SCN1A: variants seen among roughly 807,000 people sequenced by gnomAD.
SCN1A encodes the protein sodium channel protein type 1 subunit alpha.
A neutral mutation model predicts 193.7 loss-of-function variants in SCN1A; 13 were observed. The ratio of observed to expected loss-of-function variants is 0.07; its 90% CI spans 0.04 to 0.11. The LOEUF is 0.11. SCN1A is among the 10% of genes least tolerant of loss of function. SCN1A has a pLI of 1.00. For missense variants in SCN1A, 1,432 were observed against 2,451.1 expected (o/e 0.58, Z 8.78); for synonymous variants, 781 against 843.6 (o/e 0.93, Z 1.29).
At chr2:166,026,450 C>T (rs922084082) in intron 19 of SCN1A, among the ~76,000 whole-genome samples, 3 of 151,944 alleles carry the variant, frequency 2.0e-5, no homozygotes, top group Non-Finnish European at 4.4e-5. Flanking sequence ...TCTATGTTAG[C>T]ACATGAAATA....
At chr2:166,109,441 T>C (rs1166986308) in intron 2 of SCN1A, 1 of 152,250 alleles carries the variant, frequency 6.6e-6, no homozygotes, top group Admixed American at 6.6e-5. Flanking sequence ...ATAAGAAGTA[T>C]ATACATACAT....
At chr2:166,099,453 A>T (rs1687780569) in intron 2 of SCN1A, among the ~76,000 whole-genome samples, 2 of 136,754 alleles carry the variant, frequency 1.5e-5, no homozygotes, top group African/African-American at 5.5e-5. Context: ...AACGGGCACA[A>T]GGCAGGGATG....
rs149315236 is a variant in SCN1A at position 165,992,058 on chromosome 2, G to T, written c.5217C>A (p.Pro1739=). 7 of 1,613,926 alleles carry T rather than the reference G, an allele frequency of 4.3e-6. No homozygotes were observed. Among genetic ancestry groups the T allele is most frequent in the Non-Finnish European group, 5.9e-6 (7 of 1,179,950 alleles). ...GGTTAACTTTATTAGGGTCACAGTC[G>T]GGTGGCTTACTGTTGAGAATGGGTG... ...LLAPILNSKP[P]DCDPNKVNPG... Residue 1739 remains proline, a synonymous_variant, in exon 29 of 29, where the codon CCC becomes CCA. Coordinates refer to ENST00000674923, the MANE Select transcript of SCN1A (RefSeq NM_001165963.4). This position sits in a 1 kb window ranked among gnomAD's most constrained non-coding sequence, Gnocchi z 6.5.
At chr2:166,028,278 G>C (rs1695069595) in intron 19 of SCN1A, among the ~76,000 whole-genome samples, 1 of 152,044 alleles carries the variant, frequency 6.6e-6, no homozygotes, top group Non-Finnish European at 1.5e-5. Flanking sequence ...AAAAAATTCT[G>C]AAAAATTGCA....
At chr2:166,126,491 C>A (rs1691257712) in intron 2 of SCN1A, 1 of 152,192 alleles carries the variant, frequency 6.6e-6, no homozygotes, top group Non-Finnish European at 1.5e-5. Context: ...GTAAGCTACC[C>A]ACTTCTCTGG....
chr2:165,996,367 G>A (rs775387729), intron 26 of SCN1A: 5 of 334,594 alleles, frequency 1.5e-5, no homozygotes, highest in South Asian at 3.1e-5. Context: ...TCTCAAAAAG[G>A]TTAAGTATTT....
intron 2 of SCN1A, among the ~76,000 whole-genome samples, chr2:166,121,015 G>T (rs182376474): frequency 1.1e-3 from 166 of 150,070 alleles, no homozygotes; most frequent in African/African-American, 3.6e-3. Flanking sequence ...TGTTAGTTAA[G>T]TTTACTCTTA....
At chr2:166,009,972 C>T (rs554277033) in intron 22 of SCN1A, 131 bp from the exon 23 acceptor site, 2 of 804,416 alleles carry the variant, frequency 2.5e-6, no homozygotes, top group African/African-American at 3.5e-5. Flanking sequence ...TTTCAGTAAA[C>T]CTTTAAAAAA....
intron 1 of SCN1A, among the ~76,000 whole-genome samples, chr2:166,144,519 T>C (rs1176825583): frequency 6.6e-6 from 1 of 152,152 alleles, no homozygotes; most frequent in African/African-American, 2.4e-5. Context: ...ATAATACATA[T>C]ACCGGAAAAT....
chr2:165,991,624 G>A lies in SCN1A; in HGVS notation c.5651C>T (p.Ala1884Val), dbSNP rs1188972480. ...TCGCTCTTCCATCTGTATTCGTAGAGCATCCATCTCTCCACTCTCTCCTAG... is the reference window on the plus strand; with the variant it reads ...TCGCTCTTCCATCTGTATTCGTAGAACATCCATCTCTCCACTCTCTCCTAG... ...RVLGESGEMD[A>V]LRIQMEERFM... is the part of the protein sequence containing the mutation. Residue 1884 changes from alanine to valine, a missense_variant, in exon 29 of 29, where the codon GCT becomes GTT. Coordinates refer to ENST00000674923, the MANE Select transcript of SCN1A (RefSeq NM_001165963.4). The A allele has an allele frequency of 1.1e-5, 17 of 1,613,754 alleles. No homozygotes were observed. Among genetic ancestry groups the A allele is most frequent in the African/African-American group, 9.4e-5 (7 of 74,858 alleles).
chr2:166,023,503 A>C (rs1694340213), intron 19 of SCN1A, among the ~76,000 whole-genome samples: 1 of 152,276 alleles, frequency 6.6e-6, no homozygotes, highest in South Asian at 2.1e-4. Flanking sequence ...TCCAGCTTTA[A>C]TTTTCTATGA....
chr2:166,065,994 T>G (rs895033865), intron 4 of SCN1A, among the ~76,000 whole-genome samples: 8 of 152,210 alleles, frequency 5.3e-5, no homozygotes, highest in African/African-American at 1.9e-4. Flanking sequence ...TTAAACATTG[T>G]TGCCATATGC....
chr2:166,053,164 A>G lies in SCN1A; in HGVS notation c.603-221T>C, dbSNP rs1255724521. 1.9e-5 allele frequency: 18 copies of G among 942,838 alleles called. No individual in the cohort carries two copies. In the East Asian group the frequency reaches 3.4e-4, roughly 18 times the overall value. 58.4% of individuals were successfully genotyped at this position (942,838 alleles called of 1,614,324 possible). ...TTAAATCAGAATTATTCAAGATTTT[A>G]GCAGGATTTATATTACTTGCATGGG... is the stretch of plus-strand genomic sequence containing the variant. On this transcript the variant is annotated intron_variant, in intron 7 of 28. Transcript: ENST00000674923.
chr2:165,990,331 A>G lies in SCN1A; in HGVS notation c.*914T>C, dbSNP rs1688962060. ...CTTGCTGAGAGCCGAAGATGGCTAA[A>G]CAAAGTGCAGGAAAAAGCAGAAATT... On this transcript the variant is annotated 3_prime_UTR_variant, in exon 29 of 29. Transcript: ENST00000674923. 1.3e-5 allele frequency: 2 copies of G among 152,602 alleles called. No individual in the cohort carries two copies. Among genetic ancestry groups the G allele is most frequent in the African/African-American group, 4.8e-5 (2 of 41,456 alleles). 9.5% of individuals were successfully genotyped at this position (152,602 alleles called of 1,614,324 possible). A position where few individuals can be genotyped will look rare whatever the true frequency, so the allele number is the denominator to read the frequency against.
Position 166,052,003 on chromosome 2 carries a change from T to G in SCN1A, c.695-15A>C. On this transcript the variant is annotated splice_polypyrimidine_tract_variant and intron_variant, in intron 8 of 28. Coordinates refer to ENST00000674923, the MANE Select transcript of SCN1A (RefSeq NM_001165963.4). ...GGTTTTCAGGCCTGAAAGAAAGAAG[T>G]CTATTACTATGAAGACTTAACACGT... The G allele has an allele frequency of 6.2e-7, 1 of 1,606,742 alleles. No homozygotes were observed. The highest frequency in any genetic ancestry group is 8.5e-7 in the Non-Finnish European group (1 of 1,175,896).
At chr2:166,139,309 C>G (rs1558914809) in intron 1 of SCN1A, among the ~76,000 whole-genome samples, 1 of 152,140 alleles carries the variant, frequency 6.6e-6, no homozygotes, top group Non-Finnish European at 1.5e-5. Context: ...CCACTGAAAT[C>G]TCATCTTGAA....
intron 13 of SCN1A, among the ~76,000 whole-genome samples, chr2:166,044,721 A>AT (rs11310159): frequency 6.6e-5 from 10 of 150,982 alleles, no homozygotes; most frequent in Non-Finnish European, 8.9e-5. Context: ...GGAGTTCCAC[A>AT]TTTTTTTTTT....
At chr2:166,033,483 G>A (rs1182925237) in intron 19 of SCN1A, among the ~76,000 whole-genome samples, 1 of 151,592 alleles carries the variant, frequency 6.6e-6, no homozygotes, top group Non-Finnish European at 1.5e-5. Context: ...AGGCTGAGGT[G>A]GGCGGATCAC....
chr2:166,004,570 A>C (rs1276191851), intron 23 of SCN1A, among the ~76,000 whole-genome samples: 3 of 151,416 alleles, frequency 2.0e-5, no homozygotes, highest in Non-Finnish European at 4.4e-5. Flanking sequence ...AGATGAATTA[A>C]TCTTCCCCAA....
Sources: allele counts gnomAD v4.1 joint callset (sites outside exome capture counted in the v4.1 genomes callset), GRCh38; gene constraint gnomAD v4.1.1; non-coding constraint Gnocchi (gnomAD v3.1); transcripts MANE v1.5; gene names NCBI Gene and HGNC (gene_info 2026-07-23, HGNC 2026-07-21).